The following ZXDB variants were observed in gnomAD, a reference collection of about 807,000 sequenced individuals.
The protein encoded by ZXDB is zinc finger X-linked protein ZXDB.
For synonymous variants in ZXDB, 273 were observed against 314.3 expected, an observed-to-expected ratio of 0.87 and a Z score of 1.39; for missense variants, 413 against 679.1, an observed-to-expected ratio of 0.61 and a Z score of 4.36.
rs1454080638 is a variant in ZXDB, at chrX:57,592,813, CCTGGGCCCCCGCGGACCG to C, written c.772_789del (p.Pro258_Gly263del). On this transcript the variant is annotated inframe_deletion, in exon 1 of 1. Transcript: ENST00000374888. ...AGGAGGCGGAGGGCCCGGCCGCCGC[CCTGGGCCCCCGCGGACCG>C]CTGGGCTCCGGCCCAGGCGTGGTGC... The C allele has an allele frequency of 8.7e-7, 1 of 1,146,552 alleles. No homozygotes were observed. The highest frequency in any genetic ancestry group is 1.2e-6 in the Non-Finnish European group (1 of 866,968). The allele number at this position is 1,146,552 out of a possible 1,213,427, so 94.5% of individuals were successfully genotyped here. A position where few individuals can be genotyped will look rare whatever the true frequency, so the allele number is the denominator to read the frequency against.
Position 57,592,279 on chromosome X carries a change from G to A in ZXDB, c.231G>A (p.Arg77=), listed in dbSNP as rs747946602. The A allele has an allele frequency of 5.9e-6, 7 of 1,182,495 alleles. No individual in the cohort carries two copies. The highest frequency in any genetic ancestry group is 3.7e-5 in the African/African-American group (2 of 54,678). ...CTGGCCCAAGCCTGTTGGCGCCGAG[G>A]ACCGATCAACCTAGCGGCGGCGGCG... ...RGPGPSLLAP[R]TDQPSGGGGG... is the part of the protein sequence containing the mutation. The change falls in exon 1 of 1, where the codon AGG becomes AGA. Residue 77 remains arginine (R), a synonymous_variant. Coordinates refer to ENST00000374888, the MANE Select transcript of ZXDB (RefSeq NM_007157.4).
chrX:57,594,590 A>C lies in ZXDB; in HGVS notation c.*130A>C. 1.2e-6 allele frequency: 1 copy of C among 869,489 alleles called. No homozygotes were observed. The highest frequency in any genetic ancestry group is 2.7e-5 in the South Asian group (1 of 36,420). 71.7% of individuals were successfully genotyped at this position (869,489 alleles called of 1,213,427 possible). ...AAAAAGAGCACAGCCCTGGACTACA[A>C]GTTTGGAGATTTAAATTCTGATCTT... On this transcript the variant is annotated 3_prime_UTR_variant, in exon 1 of 1. Coordinates refer to ENST00000374888, the MANE Select transcript of ZXDB (RefSeq NM_007157.4).
At position 57,593,506 on chromosome X, in the gene ZXDB, C is replaced by T. The variant is rs1389905876; in HGVS notation, c.1458C>T (p.Cys486=). ...RKHDDDRRFM[C]PVEGCGKSFT... ...ACGACGATGACCGGAGGTTCATGTG[C>T]CCTGTGGAAGGCTGTGGGAAATCTT... The change falls in exon 1 of 1, where the codon TGC becomes TGT. Residue 486 remains cysteine, a synonymous_variant. Transcript: ENST00000374888. 8.3e-7 allele frequency: 1 copy of T among 1,211,647 alleles called. No individual in the cohort carries two copies. Among genetic ancestry groups the T allele is most frequent in the South Asian group, 1.8e-5 (1 of 56,989 alleles).
rs769938547 is a variant in ZXDB, at chrX:57,596,956, C to T, written c.*2496C>T. On this transcript the variant is annotated 3_prime_UTR_variant, in exon 1 of 1. Transcript: ENST00000374888. ...TTAAAATGAAGATTATTTTCTAAAG[C>T]CTTCAAATTAGAAGTGGATTTCTGT... 1 of 123,348 alleles carries T rather than the reference C, an allele frequency of 8.1e-6. No homozygotes were observed. The highest frequency in any genetic ancestry group is 3.2e-5 in the African/African-American group (1 of 30,899). The allele number at this position is 123,348 out of a possible 1,213,427, so 10.2% of individuals were successfully genotyped here.
chrX:57,593,459 C>T lies in ZXDB; in HGVS notation c.1411C>T (p.Leu471Phe). 8.3e-7 allele frequency: 1 copy of T among 1,211,707 alleles called. No individual in the cohort carries two copies. The highest frequency in any genetic ancestry group is 1.1e-6 in the Non-Finnish European group (1 of 895,491). Reference protein sequence around the residue: ...CGWNFTSMSKLLRHKRKHDDD... With the variant: ...CGWNFTSMSKFLRHKRKHDDD... ...CTGGAACTTCACTAGCATGTCCAAA[C>T]TCTTAAGGCACAAAAGAAAGCACGA... Residue 471 changes from leucine (L) to phenylalanine (F), a missense_variant, in exon 1 of 1, where the codon CTC (leucine) becomes TTC (phenylalanine). Transcript: ENST00000374888.
chrX:57,592,149 C>A lies in ZXDB; in HGVS notation c.101C>A (p.Ser34Ter). 1.9e-6 allele frequency: 2 copies of A among 1,046,549 alleles called. No individual in the cohort carries two copies. The highest frequency in any genetic ancestry group is 2.4e-6 in the Non-Finnish European group (2 of 820,960). The allele number at this position is 1,046,549 out of a possible 1,213,427, so 86.2% of individuals were successfully genotyped here. Residue 34 changes from serine to a stop codon, truncating the protein, a stop_gained, in exon 1 of 1, where the codon TCG becomes TAG. Coordinates refer to ENST00000374888, the MANE Select transcript of ZXDB (RefSeq NM_007157.4). LOFTEE classifies it low-confidence loss of function (END_TRUNC). ...GGCCGAGTCCACCGAGGCCCTGACTCGCCGGCTGGCCAGGTCCCCACGCGC... is the reference window on the plus strand; with the variant it reads ...GGCCGAGTCCACCGAGGCCCTGACTAGCCGGCTGGCCAGGTCCCCACGCGC... ...GGGRVHRGPD[S>*]PAGQVPTRRL...
rs2057900747 is a variant in ZXDB, at chrX:57,593,087, A to G, written c.1039A>G (p.Thr347Ala). The G allele has an allele frequency of 8.3e-7, 1 of 1,209,979 alleles. No homozygotes were observed. The highest frequency in any genetic ancestry group is 2.2e-5 in the Admixed American group (1 of 45,865). The part of the protein sequence containing the change: ...PAEGCGKSFT[T>A]VYNLKAHMKG... Reference sequence around the variant, plus strand: ...AGAGGGCTGTGGCAAGAGCTTCACCACAGTGTACAACCTCAAGGCGCACAT... The same window carrying G: ...AGAGGGCTGTGGCAAGAGCTTCACCGCAGTGTACAACCTCAAGGCGCACAT... The change falls in exon 1 of 1, where the codon ACA becomes GCA. Residue 347 changes from threonine to alanine, a missense_variant. Coordinates refer to ENST00000374888, the MANE Select transcript of ZXDB (RefSeq NM_007157.4).
rs1033210576 is a variant in ZXDB at position 57,596,572 on chromosome X, T to A, written c.*2112T>A. The A allele has an allele frequency of 1.6e-5, 2 of 123,341 alleles. No homozygotes were observed. The highest frequency in any genetic ancestry group is 6.5e-5 in the African/African-American group (2 of 30,804). 10.2% of individuals were successfully genotyped at this position (123,341 alleles called of 1,213,427 possible). A position where few individuals can be genotyped will look rare whatever the true frequency, so the allele number is the denominator to read the frequency against. ...CTAGGCTTTGGCTAAATCTGACAAT[T>A]TTATATATAGCTTAAAACAAAGAAT... On this transcript the variant is annotated 3_prime_UTR_variant, in exon 1 of 1. Transcript: ENST00000374888.
Position 57,594,282 on chromosome X carries a change from A to G in ZXDB, c.2234A>G (p.Glu745Gly). 1 of 1,211,848 alleles carries G rather than the reference A, an allele frequency of 8.3e-7. No homozygotes were observed. Among genetic ancestry groups the G allele is most frequent in the Non-Finnish European group, 1.1e-6 (1 of 895,555 alleles). ...CTGACTCCTTCGAGCACCCTTTGTG[A>G]AAACAGTGTCTCAGAACTACTGACA... is the stretch of plus-strand genomic sequence containing the variant. ...DALTPSSTLC[E>G]NSVSELLTPT... Residue 745 changes from glutamate (E) to glycine (G), a missense_variant, in exon 1 of 1, where the codon GAA (glutamate) becomes GGA (glycine). By Grantham distance (98) the Glu-to-Gly change is moderately conservative. Transcript: ENST00000374888.
At position 57,593,864 on chromosome X, in the gene ZXDB, G is replaced by A; in HGVS notation, c.1816G>A (p.Glu606Lys). The A allele has an allele frequency of 8.3e-7, 1 of 1,208,218 alleles. No individual in the cohort carries two copies. Among genetic ancestry groups the A allele is most frequent in the Non-Finnish European group, 1.1e-6 (1 of 894,240 alleles). ...GAGACAGAATGATCTCAGTGATGCA[G>A]AGATAGTGTCTCTCTTCTCTGATGT... The part of the protein sequence containing the change: ...SQRQNDLSDA[E>K]IVSLFSDVPD... The change falls in exon 1 of 1, where the codon GAG becomes AAG. Residue 606 changes from glutamate (E) to lysine (K), a missense_variant. Coordinates refer to ENST00000374888, the MANE Select transcript of ZXDB (RefSeq NM_007157.4).
rs2057906862 is a variant in ZXDB at position 57,594,988 on chromosome X, A to G, written c.*528A>G. The G allele has an allele frequency of 8.1e-6, 1 of 123,765 alleles. No homozygotes were observed. The highest frequency in any genetic ancestry group is 3.2e-5 in the African/African-American group (1 of 30,793). The allele number at this position is 123,765 out of a possible 1,213,427, so 10.2% of individuals were successfully genotyped here. ...ATGTTCTAGTATTATTTTGTAACAA[A>G]TAGCAGACATCTGATCATTTTATCC... On this transcript the variant is annotated 3_prime_UTR_variant, in exon 1 of 1. Coordinates refer to ENST00000374888, the MANE Select transcript of ZXDB (RefSeq NM_007157.4).
Position 57,594,465 on chromosome X carries a change from ACT to A in ZXDB, c.*8_*9del. ...GGCAGCTCATTTTTGGTATGAACCA[ACT>A]CTATTCATTCCTCATCATGTGGCTT... On this transcript the variant is annotated 3_prime_UTR_variant, in exon 1 of 1. Transcript: ENST00000374888. 7 of 1,191,365 alleles carry A rather than the reference ACT, an allele frequency of 5.9e-6. No homozygotes were observed. The highest frequency in any genetic ancestry group is 7.9e-6 in the Non-Finnish European group (7 of 885,898).
In ZXDB at chrX:57,592,561, C is replaced by G. The variant is rs935074862; in HGVS notation, c.513C>G (p.Ile171Met). 1 of 1,196,703 alleles carries G rather than the reference C, an allele frequency of 8.4e-7. No individual in the cohort carries two copies. Among genetic ancestry groups the G allele is most frequent in the Non-Finnish European group, 1.1e-6 (1 of 889,523 alleles). ...CGGCCTTCGCGGGCACAGTCACTATCCACAACCAGGACCTGCTGTTGCGCT... is the reference window on the plus strand; with the variant it reads ...CGGCCTTCGCGGGCACAGTCACTATGCACAACCAGGACCTGCTGTTGCGCT... ...PAAAFAGTVT[I>M]HNQDLLLRFE... is the part of the protein sequence containing the mutation. The change falls in exon 1 of 1, where the codon ATC (isoleucine) becomes ATG (methionine). Residue 171 changes from isoleucine to methionine, a missense_variant. Ile to Met is a conservative substitution (Grantham distance 10). Transcript: ENST00000374888.
chrX:57,592,545 C>A lies in ZXDB; in HGVS notation c.497C>A (p.Ala166Glu). 8.4e-7 allele frequency: 1 copy of A among 1,189,237 alleles called. No individual in the cohort carries two copies. The highest frequency in any genetic ancestry group is 1.1e-6 in the Non-Finnish European group (1 of 886,011). ...ISAPGPAAAF[A>E]GTVTIHNQDL... ...GCCCCCGGCCCCGCCGCGGCCTTCG[C>A]GGGCACAGTCACTATCCACAACCAG... Residue 166 changes from alanine (A) to glutamate (E), a missense_variant, in exon 1 of 1, where the codon GCG becomes GAG. By Grantham distance (107) the Ala-to-Glu change is moderately radical. Coordinates refer to ENST00000374888, the MANE Select transcript of ZXDB (RefSeq NM_007157.4).
chrX:57,596,520 A>C lies in ZXDB; in HGVS notation c.*2060A>C, dbSNP rs1213604871. On this transcript the variant is annotated 3_prime_UTR_variant, in exon 1 of 1. Transcript: ENST00000374888. ...TTTGGCAATGTCTGTGTTACATTTC[A>C]TGTAATTTAGCCAACTCCCATTCCA... 8.1e-6 allele frequency: 1 copy of C among 123,639 alleles called. No homozygotes were observed. Among genetic ancestry groups the C allele is most frequent in the South Asian group, 3.7e-4 (1 of 2,720 alleles). The allele number at this position is 123,639 out of a possible 1,213,427, so 10.2% of individuals were successfully genotyped here.
In ZXDB at chrX:57,594,610, G is replaced by A. The variant is rs1052212475; in HGVS notation, c.*150G>A. 1.3e-6 allele frequency: 1 copy of A among 772,632 alleles called. No individual in the cohort carries two copies. The highest frequency in any genetic ancestry group is 2.1e-5 in the African/African-American group (1 of 46,668). The allele number at this position is 772,632 out of a possible 1,213,427, so 63.7% of individuals were successfully genotyped here. A position where few individuals can be genotyped will look rare whatever the true frequency, so the allele number is the denominator to read the frequency against. On this transcript the variant is annotated 3_prime_UTR_variant, in exon 1 of 1. Coordinates refer to ENST00000374888, the MANE Select transcript of ZXDB (RefSeq NM_007157.4). ...CTACAAGTTTGGAGATTTAAATTCT[G>A]ATCTTGAGTTTGGAACTGACAAGTT...
Position 57,592,792 on chromosome X carries a change from G to C in ZXDB, c.744G>C (p.Glu248Asp). The C allele has an allele frequency of 1.7e-6, 2 of 1,147,600 alleles. No individual in the cohort carries two copies. Among genetic ancestry groups the C allele is most frequent in the Non-Finnish European group, 2.3e-6 (2 of 866,986 alleles). The allele number at this position is 1,147,600 out of a possible 1,213,427, so 94.6% of individuals were successfully genotyped here. A position where few individuals can be genotyped will look rare whatever the true frequency, so the allele number is the denominator to read the frequency against. Residue 248 changes from glutamate (E) to aspartate (D), a missense_variant, in exon 1 of 1, where the codon GAG becomes GAC. By Grantham distance (45) the Glu-to-Asp change is conservative (BLOSUM62 2). Coordinates refer to ENST00000374888, the MANE Select transcript of ZXDB (RefSeq NM_007157.4). The stretch of plus-strand genomic sequence containing the variant: ...CGCCAGCTCCGGCGCCTGAGGAGGA[G>C]GCGGAGGGCCCGGCCGCCGCCCTGG... The part of the protein sequence containing the change: ...EPAPAPAPEE[E>D]AEGPAAALGP...
chrX:57,593,011 C>T lies in ZXDB; in HGVS notation c.963C>T (p.Leu321=), dbSNP rs2057900400. ...GGACCTTCACCACCTCTTACAAGCTCAAGAGGCACCTGCAGTCGCACGACA... is the reference window on the plus strand; with the variant it reads ...GGACCTTCACCACCTCTTACAAGCTTAAGAGGCACCTGCAGTCGCACGACA... ...CGWTFTTSYK[L]KRHLQSHDKL... The change falls in exon 1 of 1, where the codon CTC becomes CTT. Residue 321 remains leucine, a synonymous_variant. Transcript: ENST00000374888. The T allele has an allele frequency of 1.7e-6, 2 of 1,211,616 alleles. No individual in the cohort carries two copies. Among genetic ancestry groups the T allele is most frequent in the Non-Finnish European group, 2.2e-6 (2 of 895,305 alleles).
In ZXDB at chrX:57,593,526, A is replaced by T; in HGVS notation, c.1478A>T (p.Lys493Ile). 8.3e-7 allele frequency: 1 copy of T among 1,211,637 alleles called. No individual in the cohort carries two copies. The highest frequency in any genetic ancestry group is 1.1e-6 in the Non-Finnish European group (1 of 895,466). The change falls in exon 1 of 1, where the codon AAA (lysine) becomes ATA (isoleucine). Residue 493 changes from lysine (K) to isoleucine (I), a missense_variant. By Grantham distance (102) the Lys-to-Ile change is moderately radical. Coordinates refer to ENST00000374888, the MANE Select transcript of ZXDB (RefSeq NM_007157.4). ...RFMCPVEGCG[K>I]SFTRAEHLKG... ...ATGTGCCCTGTGGAAGGCTGTGGGA[A>T]ATCTTTCACGAGGGCGGAACATCTG...
Sources: gnomAD v4.1 joint callset for allele counts on GRCh38, gnomAD v4.1.1 for gene constraint, MANE v1.5 for transcripts, NCBI Gene and HGNC (gene_info 2026-07-23, HGNC 2026-07-21) for gene names.